The following OGFOD3 variants were observed in gnomAD, a reference collection of about 807,000 sequenced individuals.
OGFOD3 encodes the protein 2-oxoglutarate and iron-dependent oxygenase domain-containing protein 3.
In OGFOD3, 35 loss-of-function variants were observed where a neutral mutation model predicts 39.8. The observed-to-expected ratio is 0.88, with a 90% CI of 0.67 to 1.17. The LOEUF is 1.17. Ranked by LOEUF, OGFOD3 falls within the 50% of genes most tolerant of loss-of-function variation. OGFOD3 has a pLI of 0.00. For missense variants in OGFOD3, 438 were observed against 454.5 expected, an observed-to-expected ratio of 0.96 and a Z score of 0.33; for synonymous variants, 200 against 192.0, an observed-to-expected ratio of 1.04 and a Z score of -0.34.
At chr17:82,398,082 G>T in intron 8 of OGFOD3, 114 bp downstream of exon 8, 3 of 1,329,250 alleles carry the variant, frequency 2.3e-6, no homozygotes, top group Non-Finnish European at 3.2e-6. Flanking sequence ...CACCGGCCCG[G>T]CACACAGCAG....
intron 1 of OGFOD3, among the ~76,000 whole-genome samples, chr17:82,416,401 C>G (rs1021800171): frequency 6.6e-6 from 1 of 152,170 alleles, no homozygotes; most frequent in Admixed American, 6.5e-5. Flanking sequence ...GGCCTCCACA[C>G]AGGGGTGAAC....
At chr17:82,414,022 T>C (rs1052722963) in intron 2 of OGFOD3, among the ~76,000 whole-genome samples, 3 of 152,190 alleles carry the variant, frequency 2.0e-5, no homozygotes, top group Non-Finnish European at 4.4e-5. Flanking sequence ...CACAATAGCA[T>C]CGTGCAGCCG....
intron 8 of OGFOD3, chr17:82,394,534 C>T (rs752993866): frequency 3.1e-6 from 5 of 1,609,976 alleles, no homozygotes; most frequent in East Asian, 2.2e-5. Flanking sequence ...CATCCGGAAA[C>T]AAAAACATCC....
rs1296659864 is a variant in OGFOD3, at chr17:82,418,465, G to A, written c.21C>T (p.Ala7=). 30 of 1,472,794 alleles carry A rather than the reference G, an allele frequency of 2.0e-5. No homozygotes were observed. The highest frequency in any genetic ancestry group is 2.6e-5 in the Non-Finnish European group (29 of 1,117,728). The allele number at this position is 1,472,794 out of a possible 1,614,324, so 91.2% of individuals were successfully genotyped here. A position where few individuals can be genotyped will look rare whatever the true frequency, so the allele number is the denominator to read the frequency against. The part of the protein sequence containing the change: MAPQRR[A]ATKAPEGNGA... ...CGTTGCCCTCGGGCGCCTTGGTTGC[G>A]GCCCTCCGCTGAGGAGCCATCGGAC... Residue 7 remains alanine (A), a synonymous_variant, in exon 1 of 9, where the codon GCC becomes GCT. Transcript: ENST00000313056.
rs1414851974 is a variant in OGFOD3, at chr17:82,392,451, T to C, written c.907A>G (p.Ile303Val). The change falls in exon 9 of 9, where the codon ATC becomes GTC. Residue 303 changes from isoleucine (I) to valine (V), a missense_variant. By Grantham distance (29) the Ile-to-Val change is conservative (BLOSUM62 3). Transcript: ENST00000313056. This position sits in a 1 kb window ranked among gnomAD's most constrained non-coding sequence, Gnocchi z 4.2. Reference sequence around the variant, plus strand: ...TGGTCGGGGTTGCAGCTGAAGGCGATGGTGATGGCGTAACGGGTGCCCCAG... The same window carrying C: ...TGGTCGGGGTTGCAGCTGAAGGCGACGGTGATGGCGTAACGGGTGCCCCAG... ...VHWGTRYAIT[I>V]AFSCNPDHGI... is the part of the protein sequence containing the mutation. 3.1e-6 allele frequency: 5 copies of C among 1,612,756 alleles called. No individual in the cohort carries two copies. Among genetic ancestry groups the C allele is most frequent in the African/African-American group, 2.7e-5 (2 of 74,834 alleles).
chr17:82,402,923 C>T (rs1024745932), intron 7 of OGFOD3, among the ~76,000 whole-genome samples: 12 of 152,138 alleles, frequency 7.9e-5, no homozygotes, highest in Admixed American at 6.5e-4. Context: ...CGTCGGGGCA[C>T]GCACCTGTGG....
chr17:82,390,882 G>C lies in OGFOD3; in HGVS notation c.*1516C>G, dbSNP rs1232216013. Reference sequence around the variant, plus strand: ...GTCACCATGCCTCAGCTGGCCTCACGCCCGCTCCTTCCCAGGGGTCACCAT... The same window carrying C: ...GTCACCATGCCTCAGCTGGCCTCACCCCCGCTCCTTCCCAGGGGTCACCAT... On this transcript the variant is annotated 3_prime_UTR_variant, in exon 9 of 9. Transcript: ENST00000313056. The surrounding 1 kb of genome is among the most constrained non-coding windows in gnomAD (Gnocchi z 4.9). 6.9e-6 allele frequency: 1 copy of C among 145,122 alleles called. No homozygotes were observed. The highest frequency in any genetic ancestry group is 1.5e-5 in the Non-Finnish European group (1 of 66,492). The allele number at this position is 145,122 out of a possible 1,614,324, so 9.0% of individuals were successfully genotyped here. A position where few individuals can be genotyped will look rare whatever the true frequency, so the allele number is the denominator to read the frequency against.
chr17:82,395,587 C>A (rs921777503), intron 8 of OGFOD3, among the ~76,000 whole-genome samples: 1 of 151,978 alleles, frequency 6.6e-6, no homozygotes. Context: ...TTTGGGAGGC[C>A]GAGGCGGGTG....
In OGFOD3 at chr17:82,411,333, C is replaced by T; in HGVS notation, c.380+122G>A. The stretch of plus-strand genomic sequence containing the variant: ...AAGTGCTGGGATTACAGGCGTGAGC[C>T]ACCACGCCTGGCAATAAAATCCTTA... On this transcript the variant is annotated intron_variant, in intron 3 of 8. Transcript: ENST00000313056. 3.5e-6 allele frequency: 3 copies of T among 848,072 alleles called. No individual in the cohort carries two copies. The South Asian group carries it at 4.9e-5, about 14-fold the overall frequency. 52.5% of individuals were successfully genotyped at this position (848,072 alleles called of 1,614,324 possible).
intron 8 of OGFOD3, chr17:82,394,407 A>G: frequency 6.2e-7 from 1 of 1,610,210 alleles, no homozygotes; most frequent in African/African-American, 1.3e-5. Context: ...CCAGAATCGC[A>G]TGTGTCTCTC....
chr17:82,396,194 TAGAC>T (rs2052670043), intron 8 of OGFOD3, among the ~76,000 whole-genome samples: 3 of 147,088 alleles, frequency 2.0e-5, no homozygotes, highest in South Asian at 2.2e-4. Context: ...TACACACAAT[TAGAC>T]AGATGTACGA....
chr17:82,415,491 C>T lies in OGFOD3; in HGVS notation c.211G>A (p.Ala71Thr), dbSNP rs746705584. 28 of 1,613,744 alleles carry T rather than the reference C, an allele frequency of 1.7e-5. No homozygotes were observed. The highest frequency in any genetic ancestry group is 1.9e-5 in the Non-Finnish European group (22 of 1,179,950). Residue 71 changes from alanine to threonine, a missense_variant, in exon 2 of 9, where the codon GCA becomes ACA. Ala to Thr is a moderately conservative substitution (Grantham distance 58). Coordinates refer to ENST00000313056, the MANE Select transcript of OGFOD3 (RefSeq NM_024648.3). The surrounding 1 kb of genome is among the most constrained non-coding windows in gnomAD (Gnocchi z 5.3). ...TCGCCACGGCGGGCCAGGACCTCTG[C>T]GACCCCGTCGTCGGCCCCCAAGCTG... ...WSSLGADDGV[A>T]EVLARRGEVV...
chr17:82,405,158 A>G, intron 6 of OGFOD3, among the ~76,000 whole-genome samples, 166 bp downstream of exon 6: 1 of 152,212 alleles, frequency 6.6e-6, no homozygotes, highest in Non-Finnish European at 1.5e-5. Context: ...CATCCTGGCC[A>G]CGCTGGGCCT....
At chr17:82,408,755 C>T (rs2052896005) in intron 4 of OGFOD3, among the ~76,000 whole-genome samples, 1 of 152,128 alleles carries the variant, frequency 6.6e-6, no homozygotes, top group Non-Finnish European at 1.5e-5. Flanking sequence ...GGATTTAGGA[C>T]CCTAAATCTG....
chr17:82,415,557 G>A lies in OGFOD3; in HGVS notation c.145C>T (p.Leu49=). 1 of 1,613,456 alleles carries A rather than the reference G, an allele frequency of 6.2e-7. No homozygotes were observed. The highest frequency in any genetic ancestry group is 8.5e-7 in the Non-Finnish European group (1 of 1,179,934). The change falls in exon 2 of 9, where the codon CTG becomes TTG. Residue 49 remains leucine (L), a synonymous_variant. Coordinates refer to ENST00000313056, the MANE Select transcript of OGFOD3 (RefSeq NM_024648.3). This position sits in a 1 kb window ranked among gnomAD's most constrained non-coding sequence, Gnocchi z 5.3. ...GCGGTGAGCACAAAGCCAGCCCCCA[G>A]GCCCGCGGTCCTTAGCCACGGCCTC... is the stretch of plus-strand genomic sequence containing the variant. ...WQRPWLRTAG[L]GAGFVLTALL...
rs1373872699 is a variant in OGFOD3, at chr17:82,418,569, C to A, written c.-84G>T. 2 of 723,942 alleles carry A rather than the reference C, an allele frequency of 2.8e-6. No homozygotes were observed. Among genetic ancestry groups the A allele is most frequent in the African/African-American group, 3.8e-5 (2 of 53,092 alleles). 44.8% of individuals were successfully genotyped at this position (723,942 alleles called of 1,614,324 possible). A position where few individuals can be genotyped will look rare whatever the true frequency, so the allele number is the denominator to read the frequency against. On this transcript the variant is annotated 5_prime_UTR_variant, in exon 1 of 9. Transcript: ENST00000313056. ...CGTAACAGGGAGCGCGAGGCAGGCA[C>A]GGCGCAGGGACGCGAGTGCGACGCG...
At position 82,406,008 on chromosome 17, in the gene OGFOD3, G is replaced by C. The variant is rs528001050; in HGVS notation, c.488+410C>G. On this transcript the variant is annotated intron_variant, in intron 5 of 8. Coordinates refer to ENST00000313056, the MANE Select transcript of OGFOD3 (RefSeq NM_024648.3). This position sits in a 1 kb window ranked among gnomAD's most constrained non-coding sequence, Gnocchi z 5.2. Reference sequence around the variant, plus strand: ...GCCGGGAGCAAGACCCAGGGCTAATGCATGAGGCTGACACGGATCCACGCA... The same window carrying C: ...GCCGGGAGCAAGACCCAGGGCTAATCCATGAGGCTGACACGGATCCACGCA... Among the ~76,000 whole-genome samples, 10 of 152,258 alleles carry C rather than the reference G, an allele frequency of 6.6e-5. No individual in the cohort carries two copies. The South Asian group carries it at 1.2e-3, about 19-fold the overall frequency.
chr17:82,403,384 C>G lies in OGFOD3; in HGVS notation c.699+553G>C, dbSNP rs369308968. Among the ~76,000 whole-genome samples the G allele has an allele frequency of 1.4e-4, 21 of 152,312 alleles. 1 individual carries two copies. The East Asian group carries it at 3.1e-3, about 22-fold the overall frequency. ...TGGTGGCTCACACCTGTAATCCCAG[C>G]ACTTTGGGGGGCCAAGGAAGGAGGA... is the stretch of plus-strand genomic sequence containing the variant. On this transcript the variant is annotated intron_variant, in intron 7 of 8. Transcript: ENST00000313056.
At chr17:82,407,489 C>T (rs536503396) in intron 4 of OGFOD3, among the ~76,000 whole-genome samples, 25 of 152,334 alleles carry the variant, frequency 1.6e-4, no homozygotes, top group African/African-American at 4.8e-4. Flanking sequence ...GTGCGCGCCA[C>T]GCCAAGCCTG....
Sources: gnomAD v4.1 joint callset for allele counts (sites outside exome capture counted in the v4.1 genomes callset) on GRCh38, gnomAD v4.1.1 for gene constraint, Gnocchi (gnomAD v3.1) non-coding constraint, MANE v1.5 for transcripts, NCBI Gene and HGNC (gene_info 2026-07-23, HGNC 2026-07-21) for gene names.